WDR27: variants seen among roughly 807,000 people sequenced by gnomAD.
WDR27 encodes WD repeat domain 27, also known as WD repeat-containing protein 27.
WDR27 carries 100 observed loss-of-function variants against 114.4 expected under a neutral mutation model. The observed-to-expected ratio is 0.87, with a 90% CI of 0.74 to 1.03. The LOEUF (loss-of-function observed/expected upper bound fraction) is 1.03, where lower values mean the gene tolerates loss of function less well. Among genes scored for constraint, WDR27 ranks in the 50% least tolerant of loss-of-function variants. The probability of loss-of-function intolerance (pLI) is 0.00; values close to 1 mark genes in which losing one functional copy is unlikely to be tolerated. For synonymous variants in WDR27, 449 were observed against 423.1 expected (o/e 1.06, Z -0.75); for missense variants, 1,129 against 1,092.9 (o/e 1.03, Z -0.47).
In WDR27 at chr6:169,602,152, A is replaced by G. The variant is rs140439177; in HGVS notation, c.2424+67T>C. The G allele has an allele frequency of 1.4e-3, 1,652 of 1,214,894 alleles. 6 individuals are homozygous for G. The highest frequency in any genetic ancestry group is 8.5e-3 in the African/African-American group (574 of 67,208). 75.3% of individuals were successfully genotyped at this position (1,214,894 alleles called of 1,614,324 possible). A position where few individuals can be genotyped will look rare whatever the true frequency, so the allele number is the denominator to read the frequency against. ...GGTTTCTATCCTAATATGCAACAAT[A>G]TTAAACAGTCTACACATTACCAAAG... is the stretch of plus-strand genomic sequence containing the variant. On this transcript the variant is annotated intron_variant, in intron 23 of 25. Coordinates refer to ENST00000448612, the MANE Select transcript of WDR27 (RefSeq NM_182552.5).
intron 25 of WDR27, among the ~76,000 whole-genome samples, chr6:169,551,894 T>G (rs144545027): frequency 6.6e-6 from 1 of 152,150 alleles, no homozygotes; most frequent in Non-Finnish European, 1.5e-5. Flanking sequence ...CAGTCGACAC[T>G]TACATGAATG....
the WDR27 span, among the ~76,000 whole-genome samples, chr6:169,434,595 G>T: frequency 6.6e-6 from 1 of 152,028 alleles, no homozygotes; most frequent in Non-Finnish European, 1.5e-5. Context: ...CTATGTTTTA[G>T]CAAAGAGACC....
At chr6:169,436,481 ATTTAAC>A in the WDR27 span, among the ~76,000 whole-genome samples, 81,330 of 151,246 alleles carry the variant, frequency 0.54, 23,445 homozygotes, top group East Asian at 0.95. Context: ...GTATCCATAT[ATTTAAC>A]TTTAAGAGTC....
At chr6:169,611,009 T>C (rs2128182973) in intron 22 of WDR27, among the ~76,000 whole-genome samples, 1 of 152,264 alleles carries the variant, frequency 6.6e-6, no homozygotes, top group South Asian at 2.1e-4. Flanking sequence ...TTCATTCATG[T>C]AACCAAAAGC....
chr6:169,669,742 T>A (rs1778199389), intron 4 of WDR27: 1 of 152,170 alleles, frequency 6.6e-6, no homozygotes, highest in African/African-American at 2.4e-5. Context: ...ATCATCTCTC[T>A]GTGGCTTAAC....
At chr6:169,473,618 A>C (rs1422007047) in intron 25 of WDR27, among the ~76,000 whole-genome samples, 2 of 152,212 alleles carry the variant, frequency 1.3e-5, no homozygotes, top group Non-Finnish European at 2.9e-5. Context: ...GTTTAGCAGA[A>C]AGGCATTTTA....
chr6:169,659,049 AAC>A lies in WDR27; in HGVS notation c.1319+35_1319+36del, dbSNP rs747111175. On this transcript the variant is annotated intron_variant, in intron 12 of 25. Transcript: ENST00000448612. This position sits in a 1 kb window ranked among gnomAD's most constrained non-coding sequence, Gnocchi z 4.3. Reference sequence around the variant, plus strand: ...GAAATCCAGATGGCACTTATTGGTGAACACACACACACACTCCACACTTGAAG... The same window carrying A: ...GAAATCCAGATGGCACTTATTGGTGAACACACACACACTCCACACTTGAAG... The A allele has an allele frequency of 6.7e-4, 981 of 1,458,676 alleles. No individual in the cohort carries two copies. Among genetic ancestry groups the A allele is most frequent in the South Asian group, 3.0e-3 (204 of 68,346 alleles). The allele number at this position is 1,458,676 out of a possible 1,614,324, so 90.4% of individuals were successfully genotyped here.
At chr6:169,573,122 T>C (rs1172560835) in intron 24 of WDR27, among the ~76,000 whole-genome samples, 2 of 152,166 alleles carry the variant, frequency 1.3e-5, no homozygotes, top group Admixed American at 6.5e-5. Context: ...ACCTGGGCTC[T>C]GCACGCAGAC....
intron 25 of WDR27, among the ~76,000 whole-genome samples, chr6:169,549,865 T>C (rs1403342086): frequency 6.6e-6 from 1 of 151,962 alleles, no homozygotes; most frequent in East Asian, 1.9e-4. Flanking sequence ...TGACAGGAGT[T>C]AGGAAGGAGA....
In WDR27 at chr6:169,491,123, G is replaced by T. The variant is rs186008478; in HGVS notation, c.2646-33489C>A. 8.0e-4 allele frequency among the ~76,000 whole-genome samples: 122 copies of T among 152,286 alleles called. No individual in the cohort carries two copies. The East Asian group carries it at 0.014, about 17-fold the overall frequency. The stretch of plus-strand genomic sequence containing the variant: ...GATACTAAAGAGTTAGTGACTAAGG[G>T]TTACTAAAGAACACGGGCATTTAAG... On this transcript the variant is annotated intron_variant, in intron 25 of 25. Coordinates refer to ENST00000448612, the MANE Select transcript of WDR27 (RefSeq NM_182552.5).
intron 14 of WDR27, among the ~76,000 whole-genome samples, chr6:169,649,563 T>C (rs1023829761): frequency 5.3e-5 from 8 of 151,940 alleles, no homozygotes; most frequent in Admixed American, 1.3e-4. Context: ...AAGCCCCAGG[T>C]TGGCACTCAG....
intron 23 of WDR27, among the ~76,000 whole-genome samples, chr6:169,588,718 G>T (rs1402698065): frequency 1.3e-5 from 2 of 152,224 alleles, no homozygotes; most frequent in Non-Finnish European, 2.9e-5. Flanking sequence ...AGGTTCCCAG[G>T]TCAGGCTGCT....
intron 21 of WDR27, among the ~76,000 whole-genome samples, chr6:169,616,660 C>T (rs1348587898): frequency 1.3e-5 from 2 of 151,906 alleles, no homozygotes; most frequent in East Asian, 3.9e-4. Context: ...CAAACATGTA[C>T]CAAATAGTCA....
chr6:169,428,470 G>A, the WDR27 span, among the ~76,000 whole-genome samples: 19 of 152,242 alleles, frequency 1.2e-4, no homozygotes, highest in Admixed American at 3.9e-4. Context: ...CAAAGTGAAT[G>A]CCACAATTTT....
At position 169,537,989 on chromosome 6, in the gene WDR27, TG is replaced by T. The variant is rs1796385022; in HGVS notation, c.2645+34429del. 2.7e-5 allele frequency among the ~76,000 whole-genome samples: 4 copies of T among 145,748 alleles called. No individual in the cohort carries two copies. The South Asian group carries it at 8.6e-4, about 31-fold the overall frequency. On this transcript the variant is annotated intron_variant, in intron 25 of 25. Transcript: ENST00000448612. ...ATTGAAGCATTTACAGACAAAATGA[TG>T]GGATGCCAAAGATTTTCTTCAAAAT...
chr6:169,607,423 CATATAAT>C (rs142420647), intron 22 of WDR27, among the ~76,000 whole-genome samples: 91,272 of 145,186 alleles, frequency 0.63, 30,703 homozygotes, highest in Non-Finnish European at 0.79. Flanking sequence ...CACACACACA[CATATAAT>C]ATAATATTAT....
chr6:169,653,389 C>T (rs1210836522), intron 13 of WDR27, among the ~76,000 whole-genome samples: 4 of 152,166 alleles, frequency 2.6e-5, no homozygotes, highest in Non-Finnish European at 5.9e-5. Context: ...CTGAACCATA[C>T]ACCTAAAAAT....
intron 2 of WDR27, among the ~76,000 whole-genome samples, chr6:169,674,119 C>T (rs1184979718): frequency 2.6e-5 from 4 of 152,100 alleles, no homozygotes; most frequent in African/African-American, 9.7e-5. Flanking sequence ...TGTAAGAATC[C>T]AGAGTATCAA....
At chr6:169,606,879 T>G (rs1117506) in intron 22 of WDR27, among the ~76,000 whole-genome samples, 142,991 of 152,224 alleles carry the variant, frequency 0.94, 67,231 homozygotes, top group East Asian at 0.99. Flanking sequence ...GGCCTTTGAG[T>G]AAATGCCACA....
Sources: gnomAD v4.1 joint callset for allele counts (sites outside exome capture counted in the v4.1 genomes callset) on GRCh38, gnomAD v4.1.1 for gene constraint, Gnocchi (gnomAD v3.1) non-coding constraint, MANE v1.5 for transcripts, NCBI Gene and HGNC (gene_info 2026-07-23, HGNC 2026-07-21) for gene names.